Variants in SHROOM4 observed in about 807,000 individuals in gnomAD.
SHROOM4 encodes the protein shroom family member 4.
In SHROOM4, 17 loss-of-function variants were observed where a neutral mutation model predicts 80.3. The ratio of observed to expected loss-of-function variants is 0.21; its 90% CI spans 0.14 to 0.32. The LOEUF (loss-of-function observed/expected upper bound fraction) is 0.32, where lower values mean the gene tolerates loss of function less well. Among genes scored for constraint, SHROOM4 ranks in the 10% least tolerant of loss-of-function variants. SHROOM4 has a pLI of 1.00. For synonymous variants in SHROOM4, 400 were observed against 437.5 expected, an observed-to-expected ratio of 0.91 and a Z score of 1.07; for missense variants, 993 against 1,140.3, an observed-to-expected ratio of 0.87 and a Z score of 1.86.
Position 50,633,901 on chromosome X carries a change from A to C in SHROOM4, c.2172T>G (p.Gly724=), listed in dbSNP as rs782811760. The C allele has an allele frequency of 2.5e-5, 30 of 1,209,592 alleles. No individual in the cohort carries two copies. The highest frequency in any genetic ancestry group is 3.4e-5 in the Non-Finnish European group (30 of 895,017). The change falls in exon 4 of 9, where the codon GGT becomes GGG. Residue 724 remains glycine, a synonymous_variant. Transcript: ENST00000376020. Reference sequence around the variant, plus strand: ...TATGCTCTGGAGACCATCTCCAATGACCTCCACGGACTCCACAGTGAGCAT... The same window carrying C: ...TATGCTCTGGAGACCATCTCCAATGCCCTCCACGGACTCCACAGTGAGCAT... ...KAHAHCGVRG[G]HWRWSPEHNS...
intron 6 of SHROOM4, among the ~76,000 whole-genome samples, chrX:50,604,747 C>CT (rs782607673): frequency 4.5e-5 from 5 of 111,727 alleles, no homozygotes; most frequent in Non-Finnish European, 7.5e-5. Context: ...GGATCCTTTC[C>CT]TTATCACCTC....
Position 50,635,170 on chromosome X carries a change from A to T in SHROOM4, c.903T>A (p.Pro301=). ...TCTCCTTCTGTGGCAAGGGGACCACAGGCTCAGATGCCCTGCGCTGCTCTC... is the reference window on the plus strand; with the variant it reads ...TCTCCTTCTGTGGCAAGGGGACCACTGGCTCAGATGCCCTGCGCTGCTCTC... ...LNGEQRRASE[P]VVPLPQKEKL... The change falls in exon 4 of 9, where the codon CCT becomes CCA. Residue 301 remains proline, a synonymous_variant. Coordinates refer to ENST00000376020, the MANE Select transcript of SHROOM4 (RefSeq NM_020717.5). 8.3e-7 allele frequency: 1 copy of T among 1,207,340 alleles called. No individual in the cohort carries two copies. The highest frequency in any genetic ancestry group is 1.8e-5 in the South Asian group (1 of 56,018).
intron 2 of SHROOM4, among the ~76,000 whole-genome samples, chrX:50,651,707 T>C (rs142252508): frequency 2.4e-3 from 268 of 111,645 alleles, no homozygotes; most frequent in Non-Finnish European, 4.2e-3. Context: ...ACATTAGGTA[T>C]TTCTCCTAAT....
intron 1 of SHROOM4, among the ~76,000 whole-genome samples, chrX:50,719,559 T>A (rs1442338691): frequency 2.7e-5 from 3 of 112,046 alleles, no homozygotes; most frequent in African/African-American, 9.7e-5. Context: ...AATGTGTTAG[T>A]GCTTTATGCT....
chrX:50,580,507 G>A, the SHROOM4 span, among the ~76,000 whole-genome samples: 3 of 112,338 alleles, frequency 2.7e-5, no homozygotes, highest in Non-Finnish European at 5.6e-5. Context: ...ATTAGGAAAT[G>A]CATGTGGTAC....
At chrX:50,600,888 C>T (rs1230950778) in intron 7 of SHROOM4, among the ~76,000 whole-genome samples, 1 of 112,117 alleles carries the variant, frequency 8.9e-6, no homozygotes, top group African/African-American at 3.2e-5. Flanking sequence ...TTCCCACCAT[C>T]TGCTCTCCCA....
Position 50,689,355 on chromosome X carries a change from G to A in SHROOM4, c.269+6431C>T, listed in dbSNP as rs781880627. On this transcript the variant is annotated intron_variant, in intron 2 of 8. Coordinates refer to ENST00000376020, the MANE Select transcript of SHROOM4 (RefSeq NM_020717.5). ...CATGAGGGTGGAGGAATGATGGTTC[G>A]GAAGTTGTCTATGGAGAGCATGGCT... 7.2e-5 allele frequency among the ~76,000 whole-genome samples: 8 copies of A among 111,780 alleles called. No individual in the cohort carries two copies. The East Asian group carries it at 1.4e-3, about 20-fold the overall frequency.
Position 50,591,610 on chromosome X carries a change from C to T in SHROOM4, c.*5085G>A, listed in dbSNP as rs1557245410. On this transcript the variant is annotated 3_prime_UTR_variant, in exon 9 of 9. Coordinates refer to ENST00000376020, the MANE Select transcript of SHROOM4 (RefSeq NM_020717.5). ...TTTTCAGTGTAAAAGTTTCGCACTT[C>T]TTTTGTTAAATTATTCCTAAGTACT... 3.5e-6 allele frequency: 1 copy of T among 284,613 alleles called. No homozygotes were observed. Among genetic ancestry groups the T allele is most frequent in the Non-Finnish European group, 6.4e-6 (1 of 155,256 alleles). The allele number at this position is 284,613 out of a possible 1,213,427, so 23.5% of individuals were successfully genotyped here.
chrX:50,750,073 G>A (rs139258828), intron 1 of SHROOM4, among the ~76,000 whole-genome samples: 295 of 111,527 alleles, frequency 2.6e-3, no homozygotes, highest in African/African-American at 8.9e-3. Context: ...TCTTCCAGGT[G>A]GCACTTCTAG....
At chrX:50,690,221 C>CT (rs1933186513) in intron 2 of SHROOM4, among the ~76,000 whole-genome samples, 1 of 111,760 alleles carries the variant, frequency 8.9e-6, no homozygotes, top group South Asian at 3.7e-4. Flanking sequence ...TTTAAGTTCT[C>CT]TGAGATTTTC....
chrX:50,765,735 A>G, intron 1 of SHROOM4, among the ~76,000 whole-genome samples: 1 of 112,231 alleles, frequency 8.9e-6, no homozygotes, highest in South Asian at 3.7e-4. Context: ...TGGCAAACAG[A>G]TAAACAACAG....
At chrX:50,635,762 A>G in intron 3 of SHROOM4, 94 bp from the exon 4 acceptor site, 2 of 809,650 alleles carry the variant, frequency 2.5e-6, no homozygotes, top group Non-Finnish European at 1.8e-6. Flanking sequence ...CCATGCCACA[A>G]AAGAGAGGAG....
chrX:50,617,274 A>G (rs782078800), intron 5 of SHROOM4, among the ~76,000 whole-genome samples: 4 of 112,354 alleles, frequency 3.6e-5, no homozygotes, highest in Non-Finnish European at 5.6e-5. Context: ...GGACCTAGAA[A>G]TGATGCTAGG....
chrX:50,727,001 T>C (rs1315707426), intron 1 of SHROOM4, among the ~76,000 whole-genome samples: 1 of 113,027 alleles, frequency 8.8e-6, no homozygotes, highest in African/African-American at 3.2e-5. Context: ...ATGGGGGCTG[T>C]ACCCTACAGA....
chrX:50,752,335 T>A (rs1448832196), intron 1 of SHROOM4, among the ~76,000 whole-genome samples: 1 of 111,874 alleles, frequency 8.9e-6, no homozygotes, highest in Non-Finnish European at 1.9e-5. Context: ...TACACTAGCT[T>A]AGAGTCACAT....
intron 4 of SHROOM4, among the ~76,000 whole-genome samples, chrX:50,630,001 C>T (rs782451763): frequency 9.0e-6 from 1 of 110,924 alleles, no homozygotes. Flanking sequence ...CAGCCATCCA[C>T]GTGTCGGAAT....
chrX:50,776,970 G>A (rs782600292), intron 1 of SHROOM4, among the ~76,000 whole-genome samples: 1 of 111,449 alleles, frequency 9.0e-6, no homozygotes, highest in East Asian at 2.8e-4. Context: ...TTACAGGTGT[G>A]AGCCACCGCA....
intron 1 of SHROOM4, among the ~76,000 whole-genome samples, chrX:50,786,893 A>C (rs1279292749): frequency 9.0e-6 from 1 of 111,427 alleles, no homozygotes; most frequent in Non-Finnish European, 1.9e-5. Context: ...ACAAAGTAAA[A>C]ATTTCAAAAA....
chrX:50,804,419 T>C (rs189960874), intron 1 of SHROOM4, among the ~76,000 whole-genome samples: 17 of 112,106 alleles, frequency 1.5e-4, no homozygotes, highest in African/African-American at 4.9e-4. Flanking sequence ...ATACTCATAA[T>C]ATTATCAGTT....
Sources: gnomAD v4.1 joint callset for allele counts (sites outside exome capture counted in the v4.1 genomes callset) on GRCh38, gnomAD v4.1.1 for gene constraint, MANE v1.5 for transcripts, NCBI Gene and HGNC (gene_info 2026-07-23, HGNC 2026-07-21) for gene names.